AMACR: variants seen among roughly 807,000 people sequenced by gnomAD.
The protein encoded by AMACR is alpha-methylacyl-CoA racemase, also known as 2-methylacyl-CoA racemase.
AMACR carries 18 observed loss-of-function variants against 22.2 expected under a neutral mutation model. The ratio of observed to expected loss-of-function variants is 0.81; its 90% CI spans 0.56 to 1.20. The LOEUF is 1.20. AMACR is among the 50% of genes most tolerant of loss of function. The pLI, the probability that AMACR is intolerant of heterozygous loss-of-function variation, is 0.00. For synonymous variants in AMACR, 213 were observed against 191.3 expected, an observed-to-expected ratio of 1.11 and a Z score of -0.94; for missense variants, 499 against 490.6, an observed-to-expected ratio of 1.02 and a Z score of -0.16.
intron 4 of AMACR, 71 bp downstream of exon 4, chr5:33,998,570 G>A: frequency 6.7e-7 from 1 of 1,486,042 alleles, no homozygotes; most frequent in Non-Finnish European, 9.0e-7. Context: ...GATGCCAAAA[G>A]TCTTTAAAAT....
rs1753957234 is a variant in AMACR at position 34,005,867 on chromosome 5, T to A, written c.280A>T (p.Ile94Phe). 1.2e-6 allele frequency: 2 copies of A among 1,614,042 alleles called. No homozygotes were observed. Among genetic ancestry groups the A allele is most frequent in the Middle Eastern group, 3.3e-4 (2 of 6,084 alleles). Residue 94 changes from isoleucine to phenylalanine, a missense_variant, in exon 2 of 5, where the codon ATT (isoleucine) becomes TTT (phenylalanine). Transcript: ENST00000335606. ...AGCCTTGGATTTTCCCGCTGCAGAA[T>A]CTCTGGGCCCAGCTGGAGTTTCTCC... ...VMEKLQLGPE[I>F]LQRENPRLIY...
chr5:33,994,080 T>C, intron 4 of AMACR: 3 of 456,094 alleles, frequency 6.6e-6, no homozygotes, highest in Non-Finnish European at 1.3e-5. Flanking sequence ...ATACTTATGT[T>C]CAGAAACTGA....
At position 33,988,239 on chromosome 5, in the gene AMACR, TAAGA is replaced by T; in HGVS notation, c.*850_*853del. 7.4e-7 allele frequency: 1 copy of T among 1,353,340 alleles called. No homozygotes were observed. The highest frequency in any genetic ancestry group is 1.0e-6 in the Non-Finnish European group (1 of 987,026). 83.8% of individuals were successfully genotyped at this position (1,353,340 alleles called of 1,614,324 possible). A position where few individuals can be genotyped will look rare whatever the true frequency, so the allele number is the denominator to read the frequency against. On this transcript the variant is annotated 3_prime_UTR_variant, in exon 5 of 5. Coordinates refer to ENST00000335606, the MANE Select transcript of AMACR (RefSeq NM_014324.6). ...CCGTCTTCTTTGTCAAAGACAGGTA[TAAGA>T]AAGGCTTGTAACTTAACTCAGTCCA...
chr5:33,997,933 C>G (rs1753693775), intron 4 of AMACR, among the ~76,000 whole-genome samples: 1 of 152,168 alleles, frequency 6.6e-6, no homozygotes, highest in Non-Finnish European at 1.5e-5. Context: ...AAACTCTAAA[C>G]TTGTAGTAGA....
intron 3 of AMACR, among the ~76,000 whole-genome samples, chr5:34,003,208 G>A (rs1246540544): frequency 6.6e-6 from 1 of 152,102 alleles, no homozygotes; most frequent in Non-Finnish European, 1.5e-5. Context: ...CTTTCCTAGT[G>A]GATCACATAG....
chr5:33,991,726 T>TTTATTG (rs1554005035), intron 4 of AMACR, among the ~76,000 whole-genome samples: 3,012 of 145,196 alleles, frequency 0.021, 54 homozygotes, highest in Non-Finnish European at 0.034. Flanking sequence ...TAAACACTAT[T>TTTATTG]TTATTATTAT....
chr5:34,004,642 G>T lies in AMACR; in HGVS notation c.484C>A (p.Leu162Met). The stretch of plus-strand genomic sequence containing the variant: ...TCAAAAAGAGCCATTATAATGCCCA[G>T]TGCACACATAAGGCCACCACCAGCA... ...DFAGGGLMCA[L>M]GIIMALFDRT... The change falls in exon 3 of 5, where the codon CTG (leucine) becomes ATG (methionine). Residue 162 changes from leucine (L) to methionine (M), a missense_variant. Physicochemically the swap from Leu to Met is conservative, Grantham distance 15. Coordinates refer to ENST00000335606, the MANE Select transcript of AMACR (RefSeq NM_014324.6). The T allele has an allele frequency of 6.2e-7, 1 of 1,614,196 alleles. No homozygotes were observed. The highest frequency in any genetic ancestry group is 1.1e-5 in the South Asian group (1 of 91,084).
intron 4 of AMACR, among the ~76,000 whole-genome samples, chr5:33,989,977 T>A (rs984927167): frequency 1.3e-5 from 2 of 152,064 alleles, no homozygotes; most frequent in South Asian, 2.1e-4. Context: ...TGCAATTTTT[T>A]AAATACATTC....
At chr5:34,001,568 T>G (rs551978103) in intron 3 of AMACR, among the ~76,000 whole-genome samples, 2 of 152,334 alleles carry the variant, frequency 1.3e-5, no homozygotes, top group South Asian at 4.1e-4. Context: ...AGGTGGAACT[T>G]AAAATACGTA....
intron 4 of AMACR, chr5:33,997,418 G>A (rs1485970461): frequency 2.6e-6 from 2 of 777,968 alleles, no homozygotes; most frequent in South Asian, 2.7e-5. Flanking sequence ...CCCATGACTT[G>A]GGCTGCAACG....
At chr5:34,003,542 T>C (rs1326771361) in intron 3 of AMACR, among the ~76,000 whole-genome samples, 1 of 152,172 alleles carries the variant, frequency 6.6e-6, no homozygotes, top group Non-Finnish European at 1.5e-5. Flanking sequence ...ACAGAGCTAG[T>C]AAATGGCAGA....
In AMACR at chr5:33,989,459, C is replaced by A. The variant is rs9282593; in HGVS notation, c.783G>T (p.Met261Ile). 1.2e-6 allele frequency: 2 copies of A among 1,614,084 alleles called. No homozygotes were observed. Among genetic ancestry groups the A allele is most frequent in the East Asian group, 4.5e-5 (2 of 44,902 alleles). Residue 261 changes from methionine (M) to isoleucine (I), a missense_variant, in exon 5 of 5, where the codon ATG becomes ATT. Coordinates refer to ENST00000335606, the MANE Select transcript of AMACR (RefSeq NM_014324.6). Reference protein sequence around the residue: ...KSDELPNQMSMDDWPEMKKKF... With the variant: ...KSDELPNQMSIDDWPEMKKKF... ...TCTTCTTCATTTCTGGCCAATCATCCATGCTCATCTGATTGGGAAGTTCAT... is the reference window on the plus strand; with the variant it reads ...TCTTCTTCATTTCTGGCCAATCATCAATGCTCATCTGATTGGGAAGTTCAT...
At chr5:33,994,140 A>G (rs541790922) in intron 4 of AMACR, 46 of 446,746 alleles carry the variant, frequency 1.0e-4, no homozygotes, top group East Asian at 5.6e-4. Context: ...AAAGGGGAGT[A>G]AATTAGATAT....
chr5:33,998,631 G>A lies in AMACR; in HGVS notation c.739+10C>T, dbSNP rs1753713128. The A allele has an allele frequency of 6.3e-7, 1 of 1,598,238 alleles. No individual in the cohort carries two copies. Among genetic ancestry groups the A allele is most frequent in the East Asian group, 2.2e-5 (1 of 44,548 alleles). ...AGGGGAACTGGGGGAGACGCGTGAA[G>A]TTCACTTACCTTTGATCAGCAGCTC... On this transcript the variant is annotated intron_variant, in intron 4 of 4. Coordinates refer to ENST00000335606, the MANE Select transcript of AMACR (RefSeq NM_014324.6).
rs1461044591 is a variant in AMACR at position 33,988,262 on chromosome 5, C to T, written c.*831G>A. 4 of 1,470,020 alleles carry T rather than the reference C, an allele frequency of 2.7e-6. No homozygotes were observed. In the African/African-American group the frequency reaches 5.6e-5, roughly 21 times the overall value. 91.1% of individuals were successfully genotyped at this position (1,470,020 alleles called of 1,614,324 possible). On this transcript the variant is annotated 3_prime_UTR_variant, in exon 5 of 5. Transcript: ENST00000335606. ...TATAAGAAAGGCTTGTAACTTAACTCAGTCCAAGGAGACACAAAACGACTT... is the reference window on the plus strand; with the variant it reads ...TATAAGAAAGGCTTGTAACTTAACTTAGTCCAAGGAGACACAAAACGACTT...
chr5:33,994,021 T>G (rs1182031120), intron 4 of AMACR: 1 of 455,118 alleles, frequency 2.2e-6, no homozygotes, highest in Non-Finnish European at 4.4e-6. Context: ...ATTTTTGTCC[T>G]AGAAAATAGC....
rs1179152963 is a variant in AMACR, at chr5:34,004,499, C to CA, written c.552+74dup. On this transcript the variant is annotated intron_variant, in intron 3 of 4. Coordinates refer to ENST00000335606, the MANE Select transcript of AMACR (RefSeq NM_014324.6). ...GTCATTTATCTCTTGTCTTCTTCTTCAAAAAAAGGATTTTAAGCAGCTATA... is the reference window on the plus strand; with the variant it reads ...GTCATTTATCTCTTGTCTTCTTCTTCAAAAAAAAGGATTTTAAGCAGCTATA... 5.7e-6 allele frequency: 9 copies of CA among 1,589,952 alleles called. No individual in the cohort carries two copies. The East Asian group carries it at 1.6e-4, about 28-fold the overall frequency.
Position 33,988,776 on chromosome 5 carries a change from C to G in AMACR, c.*317G>C. ...TATATCGATGTCTTCAAGAATATAT[C>G]ATTCCTTTTTCACTAGAACCCATTC... On this transcript the variant is annotated 3_prime_UTR_variant, in exon 5 of 5. Coordinates refer to ENST00000335606, the MANE Select transcript of AMACR (RefSeq NM_014324.6). The G allele has an allele frequency of 8.1e-7, 1 of 1,232,512 alleles. No individual in the cohort carries two copies. The allele number at this position is 1,232,512 out of a possible 1,614,324, so 76.3% of individuals were successfully genotyped here. A position where few individuals can be genotyped will look rare whatever the true frequency, so the allele number is the denominator to read the frequency against.
chr5:33,989,268 G>A lies in AMACR; in HGVS notation c.974C>T (p.Pro325Leu). ...FITSEEQDVSPRPAPLLLNTP... is the reference protein window; with the variant it reads ...FITSEEQDVSLRPAPLLLNTP... ...GTTTAACAGCAGAGGTGCAGGGCGG[G>A]GGCTCACGTCCTGCTCCTCACTGGT... The change falls in exon 5 of 5, where the codon CCC becomes CTC. Residue 325 changes from proline (P) to leucine (L), a missense_variant. Coordinates refer to ENST00000335606, the MANE Select transcript of AMACR (RefSeq NM_014324.6). The A allele has an allele frequency of 1.9e-6, 3 of 1,614,078 alleles. No homozygotes were observed. Among genetic ancestry groups the A allele is most frequent in the Non-Finnish European group, 2.5e-6 (3 of 1,180,000 alleles).
Sources: gnomAD v4.1 joint callset for allele counts (sites outside exome capture counted in the v4.1 genomes callset) on GRCh38, gnomAD v4.1.1 for gene constraint, MANE v1.5 for transcripts, NCBI Gene and HGNC (gene_info 2026-07-23, HGNC 2026-07-21) for gene names.